Variants in TAPT1 observed in about 807,000 individuals in gnomAD.
The protein encoded by TAPT1 is transmembrane anterior posterior transformation protein 1 homolog.
In TAPT1, 28 loss-of-function variants were observed where a neutral mutation model predicts 65.6. That is an observed-to-expected ratio of 0.43 (90% CI 0.32 to 0.59). TAPT1 has a LOEUF of 0.59. Ranked by LOEUF, TAPT1 falls within the 20% of genes least tolerant of loss-of-function variation. The pLI, the probability that TAPT1 is intolerant of heterozygous loss-of-function variation, is 0.09. For missense variants in TAPT1, 563 were observed against 679.9 expected (o/e 0.83, Z 1.91); for synonymous variants, 278 against 245.2 (o/e 1.13, Z -1.25).
chr4:16,217,736 A>T (rs1751022965), intron 1 of TAPT1, among the ~76,000 whole-genome samples: 1 of 152,268 alleles, frequency 6.6e-6, no homozygotes, highest in South Asian at 2.1e-4. Context: ...CATTCCAGAT[A>T]CTTGAGAAAA....
chr4:16,182,070 T>C (rs1051671549), intron 7 of TAPT1, among the ~76,000 whole-genome samples: 4 of 152,178 alleles, frequency 2.6e-5, no homozygotes, highest in Non-Finnish European at 4.4e-5. Context: ...ACTATAAAAA[T>C]GAGGCTGTTA....
At chr4:16,194,984 G>A (rs1281498773) in intron 3 of TAPT1, among the ~76,000 whole-genome samples, 12 of 151,936 alleles carry the variant, frequency 7.9e-5, no homozygotes, top group African/African-American at 2.7e-4. Flanking sequence ...CACCGGCCTC[G>A]GCCTCCCAAA....
chr4:16,222,035 A>G (rs1454944814), intron 1 of TAPT1, among the ~76,000 whole-genome samples: 2 of 152,250 alleles, frequency 1.3e-5, no homozygotes, highest in Non-Finnish European at 2.9e-5. Context: ...TAGATGGAAA[A>G]CAGGTATAAA....
chr4:16,174,569 G>A, intron 10 of TAPT1, 101 bp downstream of exon 10: 1 of 1,094,934 alleles, frequency 9.1e-7, no homozygotes, highest in Non-Finnish European at 1.3e-6. Context: ...AGTTTATGTA[G>A]CTTTCCTTTA....
At chr4:16,204,139 G>A (rs954319770) in intron 2 of TAPT1, among the ~76,000 whole-genome samples, 1 of 152,182 alleles carries the variant, frequency 6.6e-6, no homozygotes, top group Non-Finnish European at 1.5e-5. Flanking sequence ...CCGTCCTTGC[G>A]AGTGGACTGC....
At chr4:16,181,141 TTAC>T (rs1297935986) in intron 7 of TAPT1, among the ~76,000 whole-genome samples, 1 of 152,226 alleles carries the variant, frequency 6.6e-6, no homozygotes, top group Non-Finnish European at 1.5e-5. Context: ...ATATTCTTTG[TTAC>T]TACAGCTAAC....
intron 1 of TAPT1, among the ~76,000 whole-genome samples, chr4:16,222,232 A>T (rs534505321): frequency 6.6e-6 from 1 of 152,362 alleles, no homozygotes; most frequent in African/African-American, 2.4e-5. Context: ...ACTAAGTTAA[A>T]GTTAAAAACT....
intron 1 of TAPT1, among the ~76,000 whole-genome samples, chr4:16,217,761 G>A (rs914951552): frequency 2.2e-4 from 34 of 152,378 alleles, no homozygotes; most frequent in African/African-American, 8.2e-4. Context: ...TTGTGATTGT[G>A]ACAGAATTGT....
chr4:16,182,959 A>G (rs1179174920), intron 7 of TAPT1: 1 of 152,236 alleles, frequency 6.6e-6, no homozygotes, highest in East Asian at 1.9e-4. Context: ...ACTGAACCTT[A>G]CACTACGTAT....
chr4:16,210,176 G>A (rs1750574144), intron 2 of TAPT1, among the ~76,000 whole-genome samples: 2 of 152,160 alleles, frequency 1.3e-5, no homozygotes, highest in African/African-American at 4.8e-5. Context: ...AAGGAAAGAG[G>A]AAAGAAGACA....
intron 1 of TAPT1, among the ~76,000 whole-genome samples, chr4:16,215,147 C>A (rs544823508): frequency 1.3e-5 from 2 of 152,096 alleles, no homozygotes; most frequent in African/African-American, 2.4e-5. Flanking sequence ...AAAAATTAGC[C>A]GGGCGTGCCG....
intron 12 of TAPT1, among the ~76,000 whole-genome samples, chr4:16,169,283 G>A (rs1203049019): frequency 6.6e-6 from 1 of 152,180 alleles, no homozygotes; most frequent in Non-Finnish European, 1.5e-5. Context: ...ACTATGCACA[G>A]GCAAGTGTAA....
chr4:16,185,983 G>A (rs546547379), intron 7 of TAPT1, among the ~76,000 whole-genome samples: 1 of 152,330 alleles, frequency 6.6e-6, no homozygotes, highest in South Asian at 2.1e-4. Flanking sequence ...CTCCCTGGCA[G>A]AGCCCCTGGG....
intron 8 of TAPT1, among the ~76,000 whole-genome samples, chr4:16,177,818 G>C (rs1438322493): frequency 8.9e-6 from 1 of 112,324 alleles, no homozygotes; most frequent in Non-Finnish European, 1.8e-5. Context: ...GCACTTTGTT[G>C]GTTTTTTTTT....
intron 1 of TAPT1, among the ~76,000 whole-genome samples, chr4:16,218,482 A>G (rs965448879): frequency 3.9e-5 from 6 of 152,254 alleles, no homozygotes; most frequent in African/African-American, 1.4e-4. Context: ...AGCTTTGACC[A>G]TAATGAGAGT....
At chr4:16,222,192 G>C (rs1411495234) in intron 1 of TAPT1, among the ~76,000 whole-genome samples, 1 of 152,164 alleles carries the variant, frequency 6.6e-6, no homozygotes, top group South Asian at 2.1e-4. Flanking sequence ...GAGCACAAAT[G>C]AGCTGCTAGG....
intron 2 of TAPT1, among the ~76,000 whole-genome samples, chr4:16,206,498 G>A (rs79601238): frequency 0.011 from 1,602 of 152,152 alleles, 31 homozygotes; most frequent in African/African-American, 0.036. Context: ...AGGCAGGAGT[G>A]CCCTCAGGGT....
At chr4:16,207,924 A>G (rs185575655) in intron 2 of TAPT1, among the ~76,000 whole-genome samples, 7 of 152,384 alleles carry the variant, frequency 4.6e-5, no homozygotes, top group Admixed American at 3.3e-4. Flanking sequence ...TAACAATGAA[A>G]TAATGAATTG....
chr4:16,210,937 T>C (rs909911169), intron 2 of TAPT1, among the ~76,000 whole-genome samples: 1 of 152,122 alleles, frequency 6.6e-6, no homozygotes, highest in Non-Finnish European at 1.5e-5. Flanking sequence ...GTGAAAATAA[T>C]GTGCTAATAA....
Sources: gnomAD v4.1 joint callset for allele counts (sites outside exome capture counted in the v4.1 genomes callset) on GRCh38, gnomAD v4.1.1 for gene constraint, MANE v1.5 for transcripts, NCBI Gene and HGNC (gene_info 2026-07-23, HGNC 2026-07-21) for gene names.